The following RALGPS1 variants were observed in gnomAD, a reference collection of about 807,000 sequenced individuals.
The protein encoded by RALGPS1 is ras-specific guanine nucleotide-releasing factor RalGPS1.
Under a neutral mutation model 78.8 loss-of-function variants are expected in RALGPS1, and 19 were observed. The observed-to-expected ratio is 0.24, with a 90% CI of 0.17 to 0.35. RALGPS1 has a LOEUF of 0.35. RALGPS1 is among the 10% of genes least tolerant of loss of function. The probability of loss-of-function intolerance (pLI) is 1.00; values close to 1 mark genes in which losing one functional copy is unlikely to be tolerated. For missense variants in RALGPS1, 454 were observed against 688.3 expected (o/e 0.66, Z 3.81); for synonymous variants, 228 against 256.3 (o/e 0.89, Z 1.06).
intron 1 of RALGPS1, among the ~76,000 whole-genome samples, chr9:126,927,747 C>T (rs1564263216): frequency 6.6e-6 from 1 of 152,218 alleles, no homozygotes; most frequent in African/African-American, 2.4e-5. Context: ...AAGTTGCGCC[C>T]TCCCCCATCT....
chr9:126,949,518 G>A (rs981708397), intron 1 of RALGPS1, among the ~76,000 whole-genome samples: 3 of 152,214 alleles, frequency 2.0e-5, no homozygotes, highest in African/African-American at 7.2e-5. Context: ...ACTGGTGTGA[G>A]ATGGTATCTC....
intron 1 of RALGPS1, among the ~76,000 whole-genome samples, chr9:126,946,221 C>T (rs761372883): frequency 5.3e-5 from 8 of 152,090 alleles, no homozygotes; most frequent in African/African-American, 1.9e-4. Context: ...TGCTGATACT[C>T]AAAGCAAATG....
At chr9:127,021,330 C>T (rs559800253) in intron 4 of RALGPS1, among the ~76,000 whole-genome samples, 3 of 151,984 alleles carry the variant, frequency 2.0e-5, no homozygotes, top group African/African-American at 7.2e-5. Context: ...GGTGAAACCC[C>T]GTCTCTACTA....
At chr9:127,152,442 A>G (rs2058472052) in intron 8 of RALGPS1, among the ~76,000 whole-genome samples, 1 of 152,198 alleles carries the variant, frequency 6.6e-6, no homozygotes, top group South Asian at 2.1e-4. Context: ...ATGTGAGAAG[A>G]TGGTGGGCAA....
At position 127,183,802 on chromosome 9, in the gene RALGPS1, C is replaced by T; in HGVS notation, c.910+9020C>T. 7.0e-7 allele frequency: 1 copy of T among 1,419,950 alleles called. No individual in the cohort carries two copies. The highest frequency in any genetic ancestry group is 2.5e-5 in the East Asian group (1 of 40,052). 88.0% of individuals were successfully genotyped at this position (1,419,950 alleles called of 1,614,324 possible). A position where few individuals can be genotyped will look rare whatever the true frequency, so the allele number is the denominator to read the frequency against. ...GGGTGGGAGGGGCCCTCCATGAGGA[C>T]CTCAGGGATAGGAGGCCAGTTGTGG... On this transcript the variant is annotated intron_variant, in intron 11 of 18. Coordinates refer to ENST00000259351, the MANE Select transcript of RALGPS1 (RefSeq NM_014636.3). This position sits in a 1 kb window ranked among gnomAD's most constrained non-coding sequence, Gnocchi z 4.0.
chr9:127,049,194 C>A (rs2048075721), intron 5 of RALGPS1, among the ~76,000 whole-genome samples: 1 of 152,170 alleles, frequency 6.6e-6, no homozygotes, highest in African/African-American at 2.4e-5. Flanking sequence ...CCGTGTTTCA[C>A]ATAGAACTGT....
At chr9:127,066,422 G>A (rs1047364032) in intron 7 of RALGPS1, among the ~76,000 whole-genome samples, 1 of 152,198 alleles carries the variant, frequency 6.6e-6, no homozygotes, top group African/African-American at 2.4e-5. Flanking sequence ...TGGCGGATCA[G>A]CTGAGATCAG....
At position 127,091,763 on chromosome 9, in the gene RALGPS1, G is replaced by A; in HGVS notation, c.610+22407G>A. ...CCCGCATTGCCATGGTAGCGCCCCAGCCGCAGCTTATAATACTCGCTCTCA... is the reference window on the plus strand; with the variant it reads ...CCCGCATTGCCATGGTAGCGCCCCAACCGCAGCTTATAATACTCGCTCTCA... On this transcript the variant is annotated intron_variant, in intron 8 of 18. Coordinates refer to ENST00000259351, the MANE Select transcript of RALGPS1 (RefSeq NM_014636.3). The surrounding 1 kb of genome is among the most constrained non-coding windows in gnomAD (Gnocchi z 4.3). The A allele has an allele frequency of 6.2e-7, 1 of 1,614,162 alleles. No individual in the cohort carries two copies. The highest frequency in any genetic ancestry group is 8.5e-7 in the Non-Finnish European group (1 of 1,180,040).
chr9:127,083,619 T>C (rs995525304), intron 8 of RALGPS1, among the ~76,000 whole-genome samples: 1 of 152,186 alleles, frequency 6.6e-6, no homozygotes, highest in Non-Finnish European at 1.5e-5. Flanking sequence ...CTCGTGTCCT[T>C]ATGTAACCAG....
intron 12 of RALGPS1, 55 bp from the exon 13 acceptor site, chr9:127,196,419 A>G (rs2061350394): frequency 6.4e-7 from 1 of 1,559,666 alleles, no homozygotes; most frequent in Admixed American, 1.8e-5. Context: ...AGGTGTAACC[A>G]CTGTCACTCC....
intron 14 of RALGPS1, among the ~76,000 whole-genome samples, chr9:127,206,587 G>T (rs933004765): frequency 6.6e-6 from 1 of 152,114 alleles, no homozygotes; most frequent in African/African-American, 2.4e-5. Context: ...CCCATGACAC[G>T]TGGAGATTAT....
intron 8 of RALGPS1, among the ~76,000 whole-genome samples, chr9:127,074,902 A>G (rs1330373993): frequency 6.6e-6 from 1 of 152,160 alleles, no homozygotes; most frequent in African/African-American, 2.4e-5. Context: ...TCCTCTGGCT[A>G]TTTATGACTT....
chr9:126,950,533 A>G (rs965070410), intron 1 of RALGPS1, among the ~76,000 whole-genome samples: 1 of 152,160 alleles, frequency 6.6e-6, no homozygotes, highest in African/African-American at 2.4e-5. Flanking sequence ...GCTCAACTAC[A>G]TGGAAACTGA....
intron 7 of RALGPS1, among the ~76,000 whole-genome samples, chr9:127,060,241 G>A (rs11795097): frequency 0.32 from 48,955 of 152,014 alleles, 9,757 homozygotes; most frequent in Non-Finnish European, 0.42. Flanking sequence ...GGGAGCATGA[G>A]TGGAAAAACT....
At chr9:127,036,727 C>G (rs187210295) in intron 5 of RALGPS1, among the ~76,000 whole-genome samples, 1 of 152,220 alleles carries the variant, frequency 6.6e-6, no homozygotes, top group Non-Finnish European at 1.5e-5. Flanking sequence ...CACTAAAGGT[C>G]TTTTATGAGC....
At chr9:126,957,372 T>C (rs2038445706) in intron 1 of RALGPS1, among the ~76,000 whole-genome samples, 1 of 152,180 alleles carries the variant, frequency 6.6e-6, no homozygotes, top group Non-Finnish European at 1.5e-5. Flanking sequence ...TTGAGCTCCA[T>C]GTCTGGGCTC....
At chr9:127,157,847 A>G (rs913548396) in intron 8 of RALGPS1, among the ~76,000 whole-genome samples, 24 of 152,168 alleles carry the variant, frequency 1.6e-4, no homozygotes, top group Non-Finnish European at 3.1e-4. Flanking sequence ...TATCACATTC[A>G]GCATAGTGTT....
chr9:127,027,061 A>G (rs987627387), intron 4 of RALGPS1, among the ~76,000 whole-genome samples: 6 of 152,144 alleles, frequency 3.9e-5, no homozygotes, highest in Admixed American at 2.6e-4. Context: ...GAGGTCCCCC[A>G]AGGCAGCCTG....
At chr9:127,014,693 G>T (rs952905567) in intron 4 of RALGPS1, among the ~76,000 whole-genome samples, 3 of 152,108 alleles carry the variant, frequency 2.0e-5, no homozygotes, top group African/African-American at 7.2e-5. Flanking sequence ...GCCTGGGGGT[G>T]GGGGGTGTGG....
Sources: gnomAD v4.1 joint callset for allele counts (sites outside exome capture counted in the v4.1 genomes callset) on GRCh38, gnomAD v4.1.1 for gene constraint, Gnocchi (gnomAD v3.1) non-coding constraint, MANE v1.5 for transcripts, NCBI Gene and HGNC (gene_info 2026-07-23, HGNC 2026-07-21) for gene names.